Variants in REEP5 observed in about 807,000 individuals in gnomAD.
The protein encoded by REEP5 is receptor expression-enhancing protein 5.
A neutral mutation model predicts 22.4 loss-of-function variants in REEP5; 24 were observed. The observed-to-expected ratio is 1.07, with a 90% CI of 0.78 to 1.51. The LOEUF is 1.51. REEP5 is among the 40% of genes most tolerant of loss of function. The probability of loss-of-function intolerance (pLI) is 0.00; values close to 1 mark genes in which losing one functional copy is unlikely to be tolerated. For missense variants in REEP5, 252 were observed against 233.0 expected, an observed-to-expected ratio of 1.08 and a Z score of -0.53; for synonymous variants, 103 against 88.6, an observed-to-expected ratio of 1.16 and a Z score of -0.92.
At chr5:112,881,321 C>G (rs1294576089) in intron 4 of REEP5, among the ~76,000 whole-genome samples, 1 of 152,064 alleles carries the variant, frequency 6.6e-6, no homozygotes, top group Non-Finnish European at 1.5e-5. Context: ...TGCTGGAGAA[C>G]TGTCTTGGGA....
Position 112,889,819 on chromosome 5 carries a change from G to GA in REEP5, c.352-2637dup, listed in dbSNP as rs1388857226. ...TAACATAGGGAGACCACATCTCTAG[G>GA]AAAAAAAAAATTTTTTTTTTTTTTT... On this transcript the variant is annotated intron_variant, in intron 3 of 4. Coordinates refer to ENST00000379638, the MANE Select transcript of REEP5 (RefSeq NM_005669.5). Among the ~76,000 whole-genome samples the GA allele has an allele frequency of 9.7e-4, 126 of 130,142 alleles. 5 individuals carry two copies. Among genetic ancestry groups the GA allele is most frequent in the African/African-American group, 3.7e-3 (107 of 28,700 alleles). The allele number at this position is 130,142 out of a possible 152,430, so 85.4% of individuals were successfully genotyped here.
At chr5:112,914,580 G>C (rs1292144088) in intron 2 of REEP5, among the ~76,000 whole-genome samples, 1 of 152,046 alleles carries the variant, frequency 6.6e-6, no homozygotes, top group Non-Finnish European at 1.5e-5. Context: ...AATCCCACTG[G>C]GACAACCCTT....
intron 2 of REEP5, among the ~76,000 whole-genome samples, chr5:112,909,461 C>T (rs887844952): frequency 6.6e-6 from 1 of 151,686 alleles, no homozygotes; most frequent in African/African-American, 2.4e-5. Flanking sequence ...GCTAATAAGG[C>T]TAAAAGGAGA....
intron 2 of REEP5, among the ~76,000 whole-genome samples, chr5:112,910,416 T>C (rs1411886552): frequency 2.0e-5 from 3 of 152,102 alleles, no homozygotes; most frequent in African/African-American, 7.2e-5. Context: ...TTCTGCTCAA[T>C]TTCACTGTGA....
intron 2 of REEP5, among the ~76,000 whole-genome samples, chr5:112,915,549 G>C (rs2150048183): frequency 6.6e-6 from 1 of 152,316 alleles, no homozygotes; most frequent in Non-Finnish European, 1.5e-5. Context: ...GTTGAGGAAG[G>C]TTAAATGTTT....
chr5:112,907,147 G>A (rs186348381), intron 2 of REEP5, among the ~76,000 whole-genome samples: 11 of 152,284 alleles, frequency 7.2e-5, no homozygotes, highest in Non-Finnish European at 1.3e-4. Context: ...ACTTCAGCCT[G>A]CACAGCTAAC....
Position 112,878,557 on chromosome 5 carries a change from T to TA in REEP5, c.*228dup, listed in dbSNP as rs1425008322. On this transcript the variant is annotated 3_prime_UTR_variant, in exon 5 of 5. Transcript: ENST00000379638. ...CATCTTTTCCTACCCAGAGGCAAAA[T>TA]ACATTTTCCAAAAACGTGGACACTG... The TA allele has an allele frequency of 3.8e-6, 2 of 532,148 alleles. No individual in the cohort carries two copies. Among genetic ancestry groups the TA allele is most frequent in the Non-Finnish European group, 6.4e-6 (2 of 312,310 alleles). 33.0% of individuals were successfully genotyped at this position (532,148 alleles called of 1,614,324 possible).
intron 2 of REEP5, among the ~76,000 whole-genome samples, chr5:112,916,215 T>C (rs1176039935): frequency 6.6e-6 from 1 of 152,206 alleles, no homozygotes; most frequent in Admixed American, 6.5e-5. Context: ...CTTTTACTTG[T>C]GGTTAACTGT....
intron 3 of REEP5, chr5:112,892,327 C>T (rs1481041605): frequency 1.5e-5 from 24 of 1,614,094 alleles, no homozygotes; most frequent in Non-Finnish European, 1.9e-5. Flanking sequence ...TGACGCAAGC[C>T]TGGAGTACAG....
At chr5:112,902,925 G>T (rs1768882078) in intron 2 of REEP5, among the ~76,000 whole-genome samples, 1 of 152,188 alleles carries the variant, frequency 6.6e-6, no homozygotes, top group Non-Finnish European at 1.5e-5. Context: ...TAATAATTGA[G>T]ATATATCATG....
At position 112,879,534 on chromosome 5, in the gene REEP5, C is replaced by T. The variant is rs926847529; in HGVS notation, c.521-699G>A. 5.9e-5 allele frequency among the ~76,000 whole-genome samples: 9 copies of T among 152,222 alleles called. No individual in the cohort carries two copies. The East Asian group carries it at 9.7e-4, about 16-fold the overall frequency. ...TGTCACCCAGCCTGGAGTGCAGTGGCGCGATCTCGGCTCACTACAGGCTCT... is the reference window on the plus strand; with the variant it reads ...TGTCACCCAGCCTGGAGTGCAGTGGTGCGATCTCGGCTCACTACAGGCTCT... On this transcript the variant is annotated intron_variant, in intron 4 of 4. Coordinates refer to ENST00000379638, the MANE Select transcript of REEP5 (RefSeq NM_005669.5).
chr5:112,910,884 G>T (rs1275449559), intron 2 of REEP5, among the ~76,000 whole-genome samples: 1 of 152,192 alleles, frequency 6.6e-6, no homozygotes. Flanking sequence ...TTGACTCAGG[G>T]AAGCTAGGCT....
intron 2 of REEP5, among the ~76,000 whole-genome samples, chr5:112,903,634 C>T (rs1326674147): frequency 6.6e-6 from 1 of 152,170 alleles, no homozygotes; most frequent in Admixed American, 6.5e-5. Context: ...ATCAGCTCCC[C>T]AAAGAGACAG....
intron 2 of REEP5, among the ~76,000 whole-genome samples, chr5:112,909,582 AT>A (rs1347765009): frequency 5.3e-5 from 8 of 152,230 alleles, no homozygotes; most frequent in African/African-American, 1.9e-4. Flanking sequence ...GTGGGAAGAA[AT>A]TTGAACATTG....
rs748175896 is a variant in REEP5 at position 112,891,698 on chromosome 5, G to A, written c.352-4515C>T. The stretch of plus-strand genomic sequence containing the variant: ...AAGATGACATTTCCAGAGAAACCAA[G>A]CCACAAAAAGTACAGGGCCGCCCTG... On this transcript the variant is annotated intron_variant, in intron 3 of 4. Coordinates refer to ENST00000379638, the MANE Select transcript of REEP5 (RefSeq NM_005669.5). 18 of 1,613,936 alleles carry A rather than the reference G, an allele frequency of 1.1e-5. No homozygotes were observed. The South Asian group carries it at 1.8e-4, about 16-fold the overall frequency.
chr5:112,878,697 A>C lies in REEP5; in HGVS notation c.*89T>G. 6.5e-7 allele frequency: 1 copy of C among 1,533,102 alleles called. No homozygotes were observed. Among genetic ancestry groups the C allele is most frequent in the South Asian group, 1.2e-5 (1 of 83,248 alleles). The allele number at this position is 1,533,102 out of a possible 1,614,324, so 95.0% of individuals were successfully genotyped here. A position where few individuals can be genotyped will look rare whatever the true frequency, so the allele number is the denominator to read the frequency against. On this transcript the variant is annotated 3_prime_UTR_variant, in exon 5 of 5. Coordinates refer to ENST00000379638, the MANE Select transcript of REEP5 (RefSeq NM_005669.5). ...TCAAAAATGTTTCCAAGGCAACATT[A>C]TTAAAATAATTATACCACAGTCCCT... is the stretch of plus-strand genomic sequence containing the variant.
intron 4 of REEP5, among the ~76,000 whole-genome samples, chr5:112,881,011 C>T (rs1768057830): frequency 6.6e-6 from 1 of 151,424 alleles, no homozygotes; most frequent in South Asian, 2.1e-4. Flanking sequence ...CACCTGTAAT[C>T]ACAGCTACTT....
At chr5:112,880,817 G>A (rs746538608) in intron 4 of REEP5, among the ~76,000 whole-genome samples, 6 of 152,154 alleles carry the variant, frequency 3.9e-5, no homozygotes, top group Non-Finnish European at 8.8e-5. Flanking sequence ...GAGAAGAAAA[G>A]AAAGCTCTTA....
At chr5:112,889,575 A>T (rs1768368653) in intron 3 of REEP5, among the ~76,000 whole-genome samples, 1 of 150,680 alleles carries the variant, frequency 6.6e-6, no homozygotes, top group Non-Finnish European at 1.5e-5. Context: ...TTATAATTAT[A>T]TATTTATATA....
Sources: allele counts gnomAD v4.1 joint callset (sites outside exome capture counted in the v4.1 genomes callset), GRCh38; gene constraint gnomAD v4.1.1; transcripts MANE v1.5; gene names NCBI Gene and HGNC (gene_info 2026-07-23, HGNC 2026-07-21).